The following TEX22 variants were observed in gnomAD, a reference collection of about 807,000 sequenced individuals.
TEX22 encodes the protein testis-expressed protein 22.
Under a neutral mutation model 11.3 loss-of-function variants are expected in TEX22, and 16 were observed. That is an observed-to-expected ratio of 1.42 (90% confidence interval 0.96 to 2.15). The LOEUF is 2.15. TEX22 is among the 30% of genes most tolerant of loss of function. The probability of loss-of-function intolerance (pLI) is 0.00; values close to 1 mark genes in which losing one functional copy is unlikely to be tolerated. For missense variants in TEX22, 220 were observed against 208.6 expected (o/e 1.05, Z -0.34); for synonymous variants, 97 against 92.3 (o/e 1.05, Z -0.29).
chr14:105,411,254 C>G, intron 2 of TEX22, 114 bp from the exon 3 acceptor site: 3 of 1,129,562 alleles, frequency 2.7e-6, no homozygotes, highest in African/African-American at 1.6e-5. Flanking sequence ...GCTGAGCAGA[C>G]GGCGCTTTAG....
At chr14:105,400,391 G>A (rs1555418233) in intron 2 of TEX22, among the ~76,000 whole-genome samples, 2 of 152,210 alleles carry the variant, frequency 1.3e-5, no homozygotes, top group African/African-American at 4.8e-5. Flanking sequence ...AGCAGATGCA[G>A]TGGCTTTTGG....
At chr14:105,404,502 G>A (rs2081648935) in intron 2 of TEX22, among the ~76,000 whole-genome samples, 1 of 152,194 alleles carries the variant, frequency 6.6e-6, no homozygotes, top group Non-Finnish European at 1.5e-5. Flanking sequence ...GCTCTCACAG[G>A]CAGTCATTTA....
At chr14:105,410,227 G>C (rs1172228922) in intron 2 of TEX22, among the ~76,000 whole-genome samples, 1 of 152,126 alleles carries the variant, frequency 6.6e-6, no homozygotes, top group Non-Finnish European at 1.5e-5. Context: ...ACAGGCATGT[G>C]CCACCACGCC....
intron 1 of TEX22, 121 bp from the exon 2 acceptor site, chr14:105,399,181 C>G: frequency 1.6e-6 from 1 of 624,064 alleles, no homozygotes; most frequent in Non-Finnish European, 2.8e-6. Context: ...TGACCTTTGG[C>G]TGGAAGGTGA....
At chr14:105,401,972 G>A (rs2081629474) in intron 2 of TEX22, among the ~76,000 whole-genome samples, 1 of 152,152 alleles carries the variant, frequency 6.6e-6, no homozygotes, top group African/African-American at 2.4e-5. Flanking sequence ...GATCACCTGA[G>A]GTCGAGAGTT....
intron 2 of TEX22, among the ~76,000 whole-genome samples, chr14:105,404,292 G>C (rs1017383863): frequency 6.6e-6 from 1 of 152,184 alleles, no homozygotes; most frequent in Non-Finnish European, 1.5e-5. Flanking sequence ...TATGGGGGCT[G>C]GCTTCCCCCA....
intron 2 of TEX22, among the ~76,000 whole-genome samples, chr14:105,402,607 T>A (rs1338936560): frequency 6.6e-6 from 1 of 151,398 alleles, no homozygotes; most frequent in African/African-American, 2.4e-5. Context: ...TACAAAAAAA[T>A]TAGCCGGGCG....
chr14:105,410,902 T>C (rs1474388719), intron 2 of TEX22, among the ~76,000 whole-genome samples: 1 of 152,208 alleles, frequency 6.6e-6, no homozygotes. Context: ...GGGGCCCTCC[T>C]CCACTGGCGC....
chr14:105,402,726 A>T lies in TEX22; in HGVS notation c.150+3236A>T, dbSNP rs376895299. 5.3e-5 allele frequency among the ~76,000 whole-genome samples: 8 copies of T among 150,288 alleles called. No individual in the cohort carries two copies. The South Asian group carries it at 6.3e-4, about 12-fold the overall frequency. ...AGACGAGATTGCGCTACTGCACTCCAGCCTGGGCGACAGAGCGAGACTCCG... is the reference window on the plus strand; with the variant it reads ...AGACGAGATTGCGCTACTGCACTCCTGCCTGGGCGACAGAGCGAGACTCCG... On this transcript the variant is annotated intron_variant, in intron 2 of 3. Coordinates refer to ENST00000451127, the MANE Select transcript of TEX22 (RefSeq NM_001195082.2).
rs587626983 is a variant in TEX22 at position 105,402,476 on chromosome 14, C to G, written c.150+2986C>G. ...TCTTAGAAATAAACCTGTTATTGGCCGGGTGTGGTGGCTCACGCCTGTAAT... is the reference window on the plus strand; with the variant it reads ...TCTTAGAAATAAACCTGTTATTGGCGGGGTGTGGTGGCTCACGCCTGTAAT... On this transcript the variant is annotated intron_variant, in intron 2 of 3. Transcript: ENST00000451127. 5.9e-5 allele frequency among the ~76,000 whole-genome samples: 9 copies of G among 152,180 alleles called. No individual in the cohort carries two copies. In the East Asian group the frequency reaches 1.7e-3, roughly 29 times the overall value.
intron 2 of TEX22, among the ~76,000 whole-genome samples, chr14:105,399,953 C>T (rs587730169): frequency 6.6e-6 from 1 of 152,372 alleles, no homozygotes; most frequent in African/African-American, 2.4e-5. Context: ...ATTCCCCAAA[C>T]TGGAAGCATC....
intron 2 of TEX22, among the ~76,000 whole-genome samples, chr14:105,404,614 C>T (rs782789296): frequency 1.3e-5 from 2 of 152,294 alleles, no homozygotes; most frequent in African/African-American, 4.8e-5. Context: ...GAAGACAGAA[C>T]CTTCAAAGCA....
chr14:105,411,365 C>A lies in TEX22; in HGVS notation c.151-3C>A. On this transcript the variant is annotated splice_region_variant and splice_polypyrimidine_tract_variant and intron_variant, in intron 2 of 3. Coordinates refer to ENST00000451127, the MANE Select transcript of TEX22 (RefSeq NM_001195082.2). ...CTCGCCGACCCGCTGCCCTGTCCCC[C>A]AGGTGTGCGAGCCGCCGGAACGCAG... The A allele has an allele frequency of 6.0e-6, 8 of 1,330,996 alleles. No homozygotes were observed. The highest frequency in any genetic ancestry group is 6.7e-6 in the Non-Finnish European group (7 of 1,040,114). 82.4% of individuals were successfully genotyped at this position (1,330,996 alleles called of 1,614,324 possible).
chr14:105,401,637 A>G (rs926521750), intron 2 of TEX22, among the ~76,000 whole-genome samples: 9 of 151,702 alleles, frequency 5.9e-5, no homozygotes, highest in Non-Finnish European at 1.0e-4. Flanking sequence ...ATGCTAAATG[A>G]CGAGTTAATG....
chr14:105,406,631 A>G (rs2081659992), intron 2 of TEX22, among the ~76,000 whole-genome samples: 1 of 152,124 alleles, frequency 6.6e-6, no homozygotes, highest in South Asian at 2.1e-4. Context: ...GTATCTTTAA[A>G]AAAAAGGAGG....
At position 105,412,532 on chromosome 14, in the gene TEX22, G is replaced by A. The variant is rs1489005403; in HGVS notation, c.*699G>A. On this transcript the variant is annotated 3_prime_UTR_variant, in exon 4 of 4. Transcript: ENST00000451127. This position sits in a 1 kb window ranked among gnomAD's most constrained non-coding sequence, Gnocchi z 5.8. ...GAGCTGGCTGCCGCAGGGGCCTGTG[G>A]GACATGGTCCACTGGGTGACTGCCT... 6.6e-6 allele frequency: 1 copy of A among 152,464 alleles called. No homozygotes were observed. The highest frequency in any genetic ancestry group is 1.5e-5 in the Non-Finnish European group (1 of 68,268). The allele number at this position is 152,464 out of a possible 1,614,324, so 9.4% of individuals were successfully genotyped here.
chr14:105,402,522 G>A (rs148242571), intron 2 of TEX22, among the ~76,000 whole-genome samples: 7,813 of 148,948 alleles, frequency 0.052, 478 homozygotes, highest in African/African-American at 0.15. Flanking sequence ...TGGGAGGCTG[G>A]GGCGGGCAGA....
intron 2 of TEX22, among the ~76,000 whole-genome samples, chr14:105,402,507 C>A (rs1046105976): frequency 2.6e-5 from 4 of 152,152 alleles, no homozygotes; most frequent in South Asian, 2.1e-4. Flanking sequence ...GTAATCCCAG[C>A]ACTTTGGGAG....
Position 105,402,733 on chromosome 14 carries a change from G to A in TEX22, c.150+3243G>A, listed in dbSNP as rs587729438. On this transcript the variant is annotated intron_variant, in intron 2 of 3. Transcript: ENST00000451127. ...ATTGCGCTACTGCACTCCAGCCTGG[G>A]CGACAGAGCGAGACTCCGTCTCAAA... 2.0e-5 allele frequency among the ~76,000 whole-genome samples: 3 copies of A among 149,750 alleles called. No homozygotes were observed. The South Asian group carries it at 6.3e-4, about 32-fold the overall frequency.
Sources: gnomAD v4.1 joint callset for allele counts (sites outside exome capture counted in the v4.1 genomes callset) on GRCh38, gnomAD v4.1.1 for gene constraint, Gnocchi (gnomAD v3.1) non-coding constraint, MANE v1.5 for transcripts, NCBI Gene and HGNC (gene_info 2026-07-23, HGNC 2026-07-21) for gene names.